The following HS6ST2 variants were observed in gnomAD, a reference collection of about 807,000 sequenced individuals.
The protein encoded by HS6ST2 is heparan sulfate 6-O-sulfotransferase 2.
A neutral mutation model predicts 33.0 loss-of-function variants in HS6ST2; 17 were observed. The ratio of observed to expected loss-of-function variants is 0.52; its 90% CI spans 0.35 to 0.77. The LOEUF is 0.77. Ranked by LOEUF, HS6ST2 falls within the 30% of genes least tolerant of loss-of-function variation. The pLI, the probability that HS6ST2 is intolerant of heterozygous loss-of-function variation, is 0.01. For synonymous variants in HS6ST2, 248 were observed against 237.1 expected (o/e 1.05, Z -0.42); for missense variants, 519 against 551.7 (o/e 0.94, Z 0.59).
upstream of HS6ST2, among the ~76,000 whole-genome samples, chrX:132,960,649 A>T (rs1008072617): frequency 9.0e-6 from 1 of 111,150 alleles, no homozygotes. Flanking sequence ...TCACAGTCCA[A>T]CCTTCAGAGA....
At chrX:132,823,865 T>TAATAATAATAATAAC (rs2065489122) in intron 2 of HS6ST2, among the ~76,000 whole-genome samples, 1 of 104,208 alleles carries the variant, frequency 9.6e-6, no homozygotes, top group Non-Finnish European at 1.9e-5. Context: ...ATAATAATAA[T>TAATAATAATAATAAC]AATAATAATA....
intron 2 of HS6ST2, among the ~76,000 whole-genome samples, chrX:132,819,414 C>A (rs926082742): frequency 1.8e-5 from 2 of 111,237 alleles, no homozygotes; most frequent in South Asian, 3.9e-4. Flanking sequence ...ATGCTGGAGA[C>A]AAAAAAATTA....
chrX:132,634,820 A>G (rs764363394), intron 4 of HS6ST2, among the ~76,000 whole-genome samples: 1 of 111,681 alleles, frequency 9.0e-6, no homozygotes, highest in South Asian at 3.8e-4. Flanking sequence ...AAGCTTTGCT[A>G]AATGAGTCAC....
chrX:132,756,501 T>C (rs2064756877), intron 2 of HS6ST2, among the ~76,000 whole-genome samples: 1 of 110,707 alleles, frequency 9.0e-6, no homozygotes, highest in Non-Finnish European at 1.9e-5. Context: ...TCCCACCTCC[T>C]TTCCCCCTTT....
At chrX:132,882,236 A>G (rs1264633977) in intron 2 of HS6ST2, among the ~76,000 whole-genome samples, 1 of 111,552 alleles carries the variant, frequency 9.0e-6, no homozygotes, top group Non-Finnish European at 1.9e-5. Context: ...TTTTCACAAT[A>G]TTGATTCTTC....
rs189599359 is a variant in HS6ST2, at chrX:132,757,894, T to A, written c.948-49400A>T. On this transcript the variant is annotated intron_variant, in intron 2 of 4. Coordinates refer to ENST00000370833, the MANE Select transcript of HS6ST2 (RefSeq NM_001394073.1). ...AAATCATTCAGTTTCCAGAATGGAGTCTGATTTTTCATAAATACTTTCCTT... is the reference window on the plus strand; with the variant it reads ...AAATCATTCAGTTTCCAGAATGGAGACTGATTTTTCATAAATACTTTCCTT... 1.6e-3 allele frequency among the ~76,000 whole-genome samples: 174 copies of A among 111,387 alleles called. 1 individual carries two copies. The highest frequency in any genetic ancestry group is 5.2e-3 in the African/African-American group (160 of 30,605).
At chrX:132,682,232 A>G (rs938485319) in intron 3 of HS6ST2, among the ~76,000 whole-genome samples, 1 of 112,161 alleles carries the variant, frequency 8.9e-6, no homozygotes, top group African/African-American at 3.2e-5. Context: ...GTATGAGTCC[A>G]GACACCTCAG....
chrX:132,741,496 G>C (rs1040461927), intron 2 of HS6ST2, among the ~76,000 whole-genome samples: 1 of 109,981 alleles, frequency 9.1e-6, no homozygotes, highest in Non-Finnish European at 1.9e-5. Flanking sequence ...TGGTCAGGCT[G>C]GTCTCGAACT....
chrX:132,674,425 C>G (rs1017763294), intron 3 of HS6ST2, among the ~76,000 whole-genome samples: 1 of 112,032 alleles, frequency 8.9e-6, no homozygotes, highest in African/African-American at 3.2e-5. Flanking sequence ...CACAGTTACT[C>G]TGGAATTGAA....
At chrX:132,909,084 A>G (rs2066506272) in intron 2 of HS6ST2, among the ~76,000 whole-genome samples, 1 of 109,637 alleles carries the variant, frequency 9.1e-6, no homozygotes. Context: ...GACTTCACCC[A>G]GCATGGAGCC....
At chrX:132,955,851 A>G (rs1162035868) in intron 2 of HS6ST2, among the ~76,000 whole-genome samples, 1 of 112,730 alleles carries the variant, frequency 8.9e-6, no homozygotes, top group East Asian at 2.8e-4. Context: ...CAGACTATTA[A>G]TAAATCAGCT....
At chrX:132,712,854 G>A (rs376928250) in intron 2 of HS6ST2, among the ~76,000 whole-genome samples, 2 of 110,760 alleles carry the variant, frequency 1.8e-5, no homozygotes, top group South Asian at 3.9e-4. Flanking sequence ...GAGAAACCTC[G>A]TCTCTACTAA....
At chrX:132,691,446 C>T (rs1482882002) in intron 3 of HS6ST2, among the ~76,000 whole-genome samples, 1 of 111,937 alleles carries the variant, frequency 8.9e-6, no homozygotes, top group Non-Finnish European at 1.9e-5. Context: ...GGTTGTGGTT[C>T]CACAGTCAGT....
At chrX:132,652,499 G>C (rs2063701251) in intron 4 of HS6ST2, among the ~76,000 whole-genome samples, 1 of 111,624 alleles carries the variant, frequency 9.0e-6, no homozygotes, top group African/African-American at 3.3e-5. Context: ...ACGGGGGAGA[G>C]AGCCCTATAA....
intron 2 of HS6ST2, among the ~76,000 whole-genome samples, chrX:132,877,987 G>A (rs1303100029): frequency 9.0e-6 from 1 of 111,134 alleles, no homozygotes; most frequent in Non-Finnish European, 1.9e-5. Flanking sequence ...AAACGGAGGA[G>A]GGGAAAATAG....
At chrX:132,688,522 A>G (rs1248268784) in intron 3 of HS6ST2, among the ~76,000 whole-genome samples, 2 of 111,219 alleles carry the variant, frequency 1.8e-5, no homozygotes, top group African/African-American at 6.6e-5. Flanking sequence ...AAGCAAACAC[A>G]TCCTTCTTTG....
At chrX:132,746,184 T>C (rs993957157) in intron 2 of HS6ST2, among the ~76,000 whole-genome samples, 4 of 111,202 alleles carry the variant, frequency 3.6e-5, no homozygotes, top group Non-Finnish European at 7.5e-5. Flanking sequence ...AACCAAGCTA[T>C]AGATTGGTGC....
intron 2 of HS6ST2, among the ~76,000 whole-genome samples, chrX:132,755,284 G>T (rs941537928): frequency 6.3e-5 from 7 of 111,261 alleles, no homozygotes; most frequent in African/African-American, 2.0e-4. Context: ...CTTTTAGTTG[G>T]CTCCTGTGAT....
At chrX:132,763,030 G>T (rs142713641) in intron 2 of HS6ST2, among the ~76,000 whole-genome samples, 1 of 111,976 alleles carries the variant, frequency 8.9e-6, no homozygotes, top group Admixed American at 9.5e-5. Flanking sequence ...TTGTTGTGAA[G>T]ATTAAATTAA....
Sources: gnomAD v4.1 joint callset for allele counts (sites outside exome capture counted in the v4.1 genomes callset) on GRCh38, gnomAD v4.1.1 for gene constraint, MANE v1.5 for transcripts, NCBI Gene and HGNC (gene_info 2026-07-23, HGNC 2026-07-21) for gene names.